Variants in CDKN2B-AS1 observed in about 807,000 individuals in gnomAD.
The protein encoded by CDKN2B-AS1 is CDKN2B and CDKN2A antisense cis and trans regulatory RNA 1, also known as CDKN2B antisense RNA 1 (non-protein coding).
chr9:22,081,240 T>A (rs1587505087), intron 4 of CDKN2B-AS1, among the ~76,000 whole-genome samples: 2 of 151,990 alleles, frequency 1.3e-5, no homozygotes, highest in African/African-American at 4.8e-5. Flanking sequence ...AAGTTACTTA[T>A]TCATTCCCAT....
At chr9:22,033,822 C>G (rs1366336706) in intron 1 of CDKN2B-AS1, among the ~76,000 whole-genome samples, 1 of 152,218 alleles carries the variant, frequency 6.6e-6, no homozygotes, top group Non-Finnish European at 1.5e-5. Flanking sequence ...AGAGTGCCTA[C>G]TACGTGCCAG....
rs1820855656 is a variant in CDKN2B-AS1 at position 22,000,015 on chromosome 9, T to G, written n.29+4854T>G. Among the ~76,000 whole-genome samples the G allele has an allele frequency of 6.6e-6, 1 of 152,148 alleles. No individual in the cohort carries two copies. The highest frequency in any genetic ancestry group is 6.5e-5 in the Admixed American group (1 of 15,278). On this transcript the variant is annotated intron_variant and non_coding_transcript_variant, in intron 1 of 4. Coordinates refer to ENST00000650946, the Ensembl canonical transcript of CDKN2B-AS1. The surrounding 1 kb of genome is among the most constrained non-coding windows in gnomAD (Gnocchi z 4.1). ...AGTAAGAATGAGGGTGGGAAAAATT[T>G]CAGATTTTTGCTTACTACTTTTTGC... is the stretch of plus-strand genomic sequence containing the variant.
At chr9:22,034,353 T>C (rs1477148822) in intron 1 of CDKN2B-AS1, among the ~76,000 whole-genome samples, 1 of 152,194 alleles carries the variant, frequency 6.6e-6, no homozygotes, top group Admixed American at 6.5e-5. Context: ...TGTGAAGCTA[T>C]AGCACTACTT....
intron 4 of CDKN2B-AS1, among the ~76,000 whole-genome samples, chr9:22,080,885 T>C (rs554493984): frequency 5.6e-4 from 86 of 152,236 alleles, no homozygotes; most frequent in Non-Finnish European, 1.0e-3. Flanking sequence ...TATGACTTTT[T>C]AGGAAGCTAG....
chr9:22,033,104 C>G (rs1221516955), intron 1 of CDKN2B-AS1: 2 of 152,004 alleles, frequency 1.3e-5, no homozygotes, highest in African/African-American at 2.4e-5. Flanking sequence ...GGTTGTGCGC[C>G]CTTTATGAGA....
intron 4 of CDKN2B-AS1, among the ~76,000 whole-genome samples, chr9:22,106,717 G>C (rs1344317145): frequency 1.3e-5 from 2 of 152,150 alleles, no homozygotes; most frequent in African/African-American, 2.4e-5. Flanking sequence ...AGGAGAAGGG[G>C]CCAGTTTGTG....
chr9:22,054,548 T>C (rs941920327), intron 3 of CDKN2B-AS1, among the ~76,000 whole-genome samples: 5 of 152,022 alleles, frequency 3.3e-5, no homozygotes, highest in African/African-American at 1.2e-4. Flanking sequence ...TTTATTTTTC[T>C]AGTGAGAAAA....
chr9:22,026,738 C>G (rs1263348558), intron 1 of CDKN2B-AS1, among the ~76,000 whole-genome samples: 7 of 152,126 alleles, frequency 4.6e-5, no homozygotes, highest in Non-Finnish European at 1.0e-4. Context: ...CTACTTTTGC[C>G]CAGACACCCA....
chr9:22,107,533 T>G (rs115013887), intron 4 of CDKN2B-AS1, among the ~76,000 whole-genome samples: 194 of 152,344 alleles, frequency 1.3e-3, no homozygotes, highest in African/African-American at 4.5e-3. Flanking sequence ...TGAGCTTCCT[T>G]TCCCACACCC....
At chr9:22,092,478 T>C (rs2131343910) in intron 4 of CDKN2B-AS1, 1 of 152,334 alleles carries the variant, frequency 6.6e-6, no homozygotes, top group East Asian at 1.9e-4. Context: ...TGGTAAGCTA[T>C]TAATTATTGC....
intron 1 of CDKN2B-AS1, among the ~76,000 whole-genome samples, chr9:22,011,718 A>G (rs184442711): frequency 2.6e-5 from 4 of 152,380 alleles, no homozygotes; most frequent in African/African-American, 4.8e-5. Context: ...TTTCACATGT[A>G]ATACAATAGC....
chr9:22,014,059 T>C (rs1293004675), intron 1 of CDKN2B-AS1, among the ~76,000 whole-genome samples: 1 of 152,208 alleles, frequency 6.6e-6, no homozygotes, highest in East Asian at 1.9e-4. Flanking sequence ...CAGCCATGGA[T>C]AATTATTTCA....
upstream of CDKN2B-AS1, chr9:21,994,843 G>A (rs1481005394): frequency 6.1e-6 from 1 of 164,616 alleles, no homozygotes; most frequent in Admixed American, 6.4e-5. Context: ...CGCTCCCGCG[G>A]ATTCTGGTGC....
chr9:22,122,017 G>A (rs2131377792), intron 4 of CDKN2B-AS1, among the ~76,000 whole-genome samples: 1 of 150,880 alleles, frequency 6.6e-6, no homozygotes, highest in South Asian at 2.1e-4. Flanking sequence ...CACCAACAGT[G>A]TATAAGAATT....
At chr9:22,003,522 G>T (rs3217990) in intron 1 of CDKN2B-AS1, 2,303 of 228,950 alleles carry the variant, frequency 0.01, 28 homozygotes, top group African/African-American at 0.026. Context: ...CAAATTAAGG[G>T]ATTTTATAAA....
At chr9:22,043,894 G>A (rs142635450) in intron 1 of CDKN2B-AS1, among the ~76,000 whole-genome samples, 53 of 151,838 alleles carry the variant, frequency 3.5e-4, no homozygotes, top group African/African-American at 1.2e-3. Context: ...ATCATGCTTT[G>A]GGAAACTCTA....
intron 4 of CDKN2B-AS1, among the ~76,000 whole-genome samples, chr9:22,092,138 A>G (rs1049495056): frequency 2.6e-5 from 4 of 152,116 alleles, no homozygotes. Flanking sequence ...TGATTTGCGT[A>G]TGTTGAACAA....
intron 4 of CDKN2B-AS1, among the ~76,000 whole-genome samples, chr9:22,102,732 T>G (rs1825527180): frequency 6.6e-6 from 1 of 152,062 alleles, no homozygotes; most frequent in African/African-American, 2.4e-5. Flanking sequence ...TACCTTAGAG[T>G]TAAGATTTTC....
chr9:22,022,189 A>T (rs1822045184), intron 1 of CDKN2B-AS1, among the ~76,000 whole-genome samples: 1 of 150,370 alleles, frequency 6.7e-6, no homozygotes, highest in South Asian at 2.1e-4. Flanking sequence ...TCCAGTGTTG[A>T]GTTCAGGTCC....
Sources: gnomAD v4.1 joint callset for allele counts (sites outside exome capture counted in the v4.1 genomes callset) on GRCh38, gnomAD v4.1.1 for gene constraint, Gnocchi (gnomAD v3.1) non-coding constraint, MANE v1.5 for transcripts, NCBI Gene and HGNC (gene_info 2026-07-23, HGNC 2026-07-21) for gene names.